DLGAP1: variants seen among roughly 807,000 people sequenced by gnomAD.
The protein encoded by DLGAP1 is DLG associated protein 1, also known as disks large-associated protein 1.
A neutral mutation model predicts 90.8 loss-of-function variants in DLGAP1; 11 were observed. The observed-to-expected ratio is 0.12, with a 90% CI of 0.08 to 0.20. The LOEUF is 0.20. Among genes scored for constraint, DLGAP1 ranks in the 10% least tolerant of loss-of-function variants. The probability of loss-of-function intolerance (pLI) is 1.00; values close to 1 mark genes in which losing one functional copy is unlikely to be tolerated. For synonymous variants in DLGAP1, 558 were observed against 540.7 expected (o/e 1.03, Z -0.44); for missense variants, 1,050 against 1,333.8 (o/e 0.79, Z 3.31).
chr18:3,899,893 T>G (rs2071744236), intron 3 of DLGAP1, among the ~76,000 whole-genome samples: 1 of 152,232 alleles, frequency 6.6e-6, no homozygotes, highest in Admixed American at 6.5e-5. Flanking sequence ...ACATCCTGTG[T>G]CCTGTTAGAA....
At chr18:4,071,237 C>CGT (rs2075441926) in intron 2 of DLGAP1, among the ~76,000 whole-genome samples, 2 of 151,464 alleles carry the variant, frequency 1.3e-5, no homozygotes, top group African/African-American at 4.9e-5. Context: ...TAAAGATATA[C>CGT]ATGTGTGTGT....
intron 4 of DLGAP1, among the ~76,000 whole-genome samples, chr18:3,861,653 C>T (rs1311623559): frequency 6.6e-6 from 1 of 152,206 alleles, no homozygotes; most frequent in East Asian, 1.9e-4. Flanking sequence ...CCCACCCTGC[C>T]CTCTACCCCA....
At chr18:3,789,387 G>C (rs1397954681) in intron 5 of DLGAP1, among the ~76,000 whole-genome samples, 1 of 152,208 alleles carries the variant, frequency 6.6e-6, no homozygotes, top group East Asian at 1.9e-4. Flanking sequence ...GAAAAAGCTG[G>C]AAACTTCTCA....
chr18:3,605,462 TAC>T (rs1288392804), intron 7 of DLGAP1, among the ~76,000 whole-genome samples: 4 of 152,254 alleles, frequency 2.6e-5, no homozygotes, highest in Non-Finnish European at 5.9e-5. Context: ...CTCCACATTT[TAC>T]ACAGTTAACG....
intron 1 of DLGAP1, among the ~76,000 whole-genome samples, chr18:4,346,259 T>C (rs188392016): frequency 9.2e-5 from 14 of 152,316 alleles, no homozygotes; most frequent in Non-Finnish European, 1.8e-4. Context: ...CATCAGATTT[T>C]TTTTTAAAGA....
At chr18:3,681,786 G>T (rs947932617) in intron 7 of DLGAP1, among the ~76,000 whole-genome samples, 2 of 152,092 alleles carry the variant, frequency 1.3e-5, no homozygotes, top group Non-Finnish European at 2.9e-5. Flanking sequence ...ATCCCTTCTT[G>T]ATATTGTCCT....
chr18:3,688,794 T>C (rs2060797706), intron 7 of DLGAP1, among the ~76,000 whole-genome samples: 1 of 152,172 alleles, frequency 6.6e-6, no homozygotes, highest in Non-Finnish European at 1.5e-5. Context: ...CTTTACACAT[T>C]TGCAGGAATG....
chr18:4,395,291 A>G (rs1218830313), intron 1 of DLGAP1, among the ~76,000 whole-genome samples: 4 of 152,232 alleles, frequency 2.6e-5, no homozygotes, highest in Non-Finnish European at 5.9e-5. Flanking sequence ...TCCTTTTTAT[A>G]TCCCTATTAC....
At chr18:3,675,140 C>T (rs138049516) in intron 7 of DLGAP1, among the ~76,000 whole-genome samples, 441 of 152,230 alleles carry the variant, frequency 2.9e-3, no homozygotes, top group African/African-American at 0.01. Context: ...GGTGCGATCT[C>T]GGCTCGCTGC....
intron 10 of DLGAP1, among the ~76,000 whole-genome samples, chr18:3,531,376 G>A (rs1005800776): frequency 6.6e-6 from 1 of 152,118 alleles, no homozygotes; most frequent in African/African-American, 2.4e-5. Context: ...GACAGAGGTT[G>A]CAGTGAGCCA....
chr18:3,874,382 T>C, intron 4 of DLGAP1: 1 of 1,469,444 alleles, frequency 6.8e-7, no homozygotes, highest in South Asian at 1.4e-5. Flanking sequence ...GAATGCAAAA[T>C]ACACTGTTTG....
intron 1 of DLGAP1, among the ~76,000 whole-genome samples, chr18:4,309,287 G>A: frequency 6.6e-6 from 1 of 152,198 alleles, no homozygotes; most frequent in East Asian, 1.9e-4. Flanking sequence ...GAAATGGAAA[G>A]AGCGCACATA....
At chr18:3,643,612 G>C (rs1438718229) in intron 7 of DLGAP1, among the ~76,000 whole-genome samples, 4 of 139,138 alleles carry the variant, frequency 2.9e-5, no homozygotes, top group Non-Finnish European at 6.0e-5. Context: ...GCAGTGAGCT[G>C]AGATCGCGCC....
chr18:4,119,669 A>G (rs895031656), intron 2 of DLGAP1, among the ~76,000 whole-genome samples: 3 of 152,182 alleles, frequency 2.0e-5, no homozygotes, highest in African/African-American at 7.2e-5. Flanking sequence ...CTTCCAAGCT[A>G]AAAAGAGTGA....
rs372722671 is a variant in DLGAP1 at position 4,022,549 on chromosome 18, C to T, written c.-158-17348G>A. ...AACCCTGTTTTTAAAGATCTACTCA[C>T]GATGCTACATATAAGTCTAAGTGAT... On this transcript the variant is annotated intron_variant, in intron 2 of 12. Transcript: ENST00000315677. 7.0e-4 allele frequency among the ~76,000 whole-genome samples: 106 copies of T among 152,178 alleles called. 1 individual carries two copies. The South Asian group carries it at 0.02, about 29-fold the overall frequency.
intron 4 of DLGAP1, among the ~76,000 whole-genome samples, chr18:3,829,698 T>C (rs536998109): frequency 6.6e-6 from 1 of 152,324 alleles, no homozygotes; most frequent in African/African-American, 2.4e-5. Context: ...TTTTTGGTCA[T>C]AAGGCCTTTC....
rs150196186 is a variant in DLGAP1 at position 3,555,805 on chromosome 18, C to T, written c.2057+11685G>A. 4.1e-3 allele frequency among the ~76,000 whole-genome samples: 623 copies of T among 151,820 alleles called. 4 individuals carry two copies. Among genetic ancestry groups the T allele is most frequent in the African/African-American group, 0.014 (576 of 41,438 alleles). On this transcript the variant is annotated intron_variant, in intron 9 of 12. Transcript: ENST00000315677. Reference sequence around the variant, plus strand: ...AGCCTGGGCAACAGGAGCGAAACTCCGTCTCAAAAAAAATAAATAAATAAA... The same window carrying T: ...AGCCTGGGCAACAGGAGCGAAACTCTGTCTCAAAAAAAATAAATAAATAAA...
At chr18:4,305,446 A>G (rs1215002658) in intron 1 of DLGAP1, among the ~76,000 whole-genome samples, 1 of 148,866 alleles carries the variant, frequency 6.7e-6, no homozygotes, top group Non-Finnish European at 1.5e-5. Flanking sequence ...AGGCAGGAGA[A>G]TTGCTTGAAC....
intron 2 of DLGAP1, among the ~76,000 whole-genome samples, chr18:4,093,677 T>C (rs919944441): frequency 2.6e-5 from 4 of 152,196 alleles, no homozygotes; most frequent in Admixed American, 2.6e-4. Context: ...TGTTTTGTTT[T>C]TGTGTGTCTG....
Sources: allele counts gnomAD v4.1 joint callset (sites outside exome capture counted in the v4.1 genomes callset), GRCh38; gene constraint gnomAD v4.1.1; transcripts MANE v1.5; gene names NCBI Gene and HGNC (gene_info 2026-07-23, HGNC 2026-07-21).